ORMDL1: variants seen among roughly 807,000 people sequenced by gnomAD.
The protein encoded by ORMDL1 is ORMDL sphingolipid biosynthesis regulator 1, also known as ORM1-like protein 1.
In ORMDL1, 10 loss-of-function variants were observed where a neutral mutation model predicts 13.0. That is an observed-to-expected ratio of 0.77 (90% confidence interval 0.47 to 1.30). The LOEUF (loss-of-function observed/expected upper bound fraction) is 1.30, where lower values mean the gene tolerates loss of function less well. ORMDL1 is among the 50% of genes most tolerant of loss of function. The probability of loss-of-function intolerance (pLI) is 0.00; values close to 1 mark genes in which losing one functional copy is unlikely to be tolerated. For missense variants in ORMDL1, 171 were observed against 186.7 expected (o/e 0.92, Z 0.49); for synonymous variants, 61 against 63.9 (o/e 0.95, Z 0.22).
At chr2:189,777,764 A>G (rs185396506) in intron 3 of ORMDL1, among the ~76,000 whole-genome samples, 21 of 152,336 alleles carry the variant, frequency 1.4e-4, no homozygotes, top group Admixed American at 5.9e-4. Context: ...AATACCTCTA[A>G]GGGTGAGGTA....
chr2:189,772,221 G>C (rs748816637), intron 4 of ORMDL1, among the ~76,000 whole-genome samples: 2 of 152,078 alleles, frequency 1.3e-5, no homozygotes, highest in African/African-American at 4.8e-5. Context: ...GTGTAGTTCT[G>C]TATTTCCATG....
At chr2:189,775,467 T>A in intron 4 of ORMDL1, 98 bp downstream of exon 4, 1 of 1,324,112 alleles carries the variant, frequency 7.6e-7, no homozygotes, top group Non-Finnish European at 1.0e-6. Flanking sequence ...TTGATAGAAG[T>A]TTGCAACAAA....
chr2:189,780,824 A>T (rs2106155851), intron 3 of ORMDL1, among the ~76,000 whole-genome samples: 1 of 152,340 alleles, frequency 6.6e-6, no homozygotes, highest in East Asian at 1.9e-4. Context: ...CATAAAATGG[A>T]CTAAATGGAC....
intron 4 of ORMDL1, chr2:189,774,862 T>G (rs1315437545): frequency 6.6e-6 from 1 of 151,790 alleles, no homozygotes; most frequent in Non-Finnish European, 1.5e-5. Context: ...CAGGTAGGAG[T>G]TGGGTGGGGA....
downstream of ORMDL1, among the ~76,000 whole-genome samples, chr2:189,766,662 T>G (rs1488409258): frequency 6.6e-6 from 1 of 151,892 alleles, no homozygotes; most frequent in Non-Finnish European, 1.5e-5. Flanking sequence ...AGGCAGACGT[T>G]GCAGTGAGCT....
intron 4 of ORMDL1, 91 bp downstream of exon 4, chr2:189,775,474 C>T: frequency 7.3e-7 from 1 of 1,370,412 alleles, no homozygotes; most frequent in Non-Finnish European, 9.8e-7. Flanking sequence ...AAGTTTGCAA[C>T]AAAATATGTT....
At chr2:189,772,777 A>G (rs938588540) in intron 4 of ORMDL1, among the ~76,000 whole-genome samples, 1 of 152,212 alleles carries the variant, frequency 6.6e-6, no homozygotes, top group Non-Finnish European at 1.5e-5. Context: ...CTTTACTGAC[A>G]TTAGTTTCTC....
chr2:189,782,565 T>C lies in ORMDL1; in HGVS notation c.31A>G (p.Asn11Asp). The change falls in exon 3 of 5, where the codon AAT becomes GAT. Residue 11 changes from asparagine to aspartate, a missense_variant. Physicochemically the swap from Asn to Asp is conservative, Grantham distance 23 (BLOSUM62 1). Transcript: ENST00000392349. ...CTGTTCATGACACGGGTATTTGGATTCACTTCACTGTGGGCAACTCCAACG... is the reference window on the plus strand; with the variant it reads ...CTGTTCATGACACGGGTATTTGGATCCACTTCACTGTGGGCAACTCCAACG... MNVGVAHSEV[N>D]PNTRVMNSRG... 9 of 1,614,226 alleles carry C rather than the reference T, an allele frequency of 5.6e-6. No homozygotes were observed. The highest frequency in any genetic ancestry group is 7.6e-6 in the Non-Finnish European group (9 of 1,180,032).
downstream of ORMDL1, among the ~76,000 whole-genome samples, chr2:189,766,834 A>G (rs1379531019): frequency 6.6e-6 from 1 of 152,224 alleles, no homozygotes; most frequent in Non-Finnish European, 1.5e-5. Context: ...CTAGGAGTTC[A>G]TAAAAGTGGG....
chr2:189,776,771 T>C (rs1255109661), intron 3 of ORMDL1, among the ~76,000 whole-genome samples: 2 of 152,178 alleles, frequency 1.3e-5, no homozygotes, highest in Admixed American at 6.5e-5. Context: ...TCATGTTCAA[T>C]TGGATTTAAC....
intron 4 of ORMDL1, chr2:189,775,063 C>T (rs974975898): frequency 6.6e-6 from 1 of 152,112 alleles, no homozygotes; most frequent in African/African-American, 2.4e-5. Context: ...TATGAGCAAA[C>T]CAAGCTGGCT....
intron 3 of ORMDL1, among the ~76,000 whole-genome samples, chr2:189,781,578 T>C (rs1174124561): frequency 2.0e-5 from 3 of 151,984 alleles, no homozygotes; most frequent in African/African-American, 7.3e-5. Flanking sequence ...AAAACTTAAA[T>C]ACTGAAACAG....
chr2:189,772,175 A>C (rs1227421009), intron 4 of ORMDL1, among the ~76,000 whole-genome samples: 1 of 152,224 alleles, frequency 6.6e-6, no homozygotes, highest in African/African-American at 2.4e-5. Context: ...AGCAAGGCTT[A>C]TCAAACTAGG....
At chr2:189,780,337 C>G (rs2047795766) in intron 3 of ORMDL1, among the ~76,000 whole-genome samples, 1 of 152,152 alleles carries the variant, frequency 6.6e-6, no homozygotes, top group Admixed American at 6.5e-5. Context: ...TAGGGATGCT[C>G]AACCTGTATA....
At chr2:189,768,025 T>G (rs192691454), downstream of ORMDL1, among the ~76,000 whole-genome samples, 1 of 152,364 alleles carries the variant, frequency 6.6e-6, no homozygotes, top group East Asian at 1.9e-4. Flanking sequence ...TGTAGCTATA[T>G]GAAAATTTTT....
downstream of ORMDL1, chr2:189,765,432 G>C (rs965507840): frequency 6.6e-6 from 1 of 152,198 alleles, no homozygotes; most frequent in African/African-American, 2.4e-5. Context: ...GTGATTACTT[G>C]AGTTTCAATA....
downstream of ORMDL1, among the ~76,000 whole-genome samples, chr2:189,768,767 C>G (rs1009712431): frequency 1.8e-4 from 27 of 152,174 alleles, no homozygotes; most frequent in Admixed American, 7.8e-4. Context: ...CTGATCACCT[C>G]TTGTATTTAA....
intron 4 of ORMDL1, chr2:189,774,700 T>C: frequency 6.6e-6 from 1 of 152,232 alleles, no homozygotes; most frequent in East Asian, 1.9e-4. Context: ...AAATAAAACA[T>C]ATATACATTT....
chr2:189,771,956 G>T (rs2047589201), intron 4 of ORMDL1, 54 bp from the exon 5 acceptor site: 3 of 1,299,678 alleles, frequency 2.3e-6, no homozygotes, highest in South Asian at 3.6e-5. Context: ...AAATTACTTG[G>T]AACTTAAACA....
Sources: gnomAD v4.1 joint callset for allele counts (sites outside exome capture counted in the v4.1 genomes callset) on GRCh38, gnomAD v4.1.1 for gene constraint, MANE v1.5 for transcripts, NCBI Gene and HGNC (gene_info 2026-07-23, HGNC 2026-07-21) for gene names.